C8orf34: variants seen among roughly 807,000 people sequenced by gnomAD.
C8orf34 encodes uncharacterized protein C8orf34.
In C8orf34, 65 loss-of-function variants were observed where a neutral mutation model predicts 68.3. The observed-to-expected ratio is 0.95, with a 90% CI of 0.78 to 1.17. C8orf34 has a LOEUF of 1.17. Among genes scored for constraint, C8orf34 ranks in the 50% most tolerant of loss-of-function variants. The pLI, the probability that C8orf34 is intolerant of heterozygous loss-of-function variation, is 0.00. For synonymous variants in C8orf34, 244 were observed against 241.2 expected (o/e 1.01, Z -0.11); for missense variants, 664 against 655.4 (o/e 1.01, Z -0.14).
chr8:68,478,602 G>C (rs985707152), intron 4 of C8orf34, among the ~76,000 whole-genome samples: 6 of 152,142 alleles, frequency 3.9e-5, no homozygotes, highest in African/African-American at 1.4e-4. Flanking sequence ...CCTGAGACTG[G>C]GTAATTTATA....
At position 68,526,145 on chromosome 8, in the gene C8orf34, G is replaced by C. The variant is rs994710762; in HGVS notation, c.938+4174G>C. Reference sequence around the variant, plus strand: ...GCTAATTTCTTTTAAATTTTTTGTAGAGATGGGGTTTCACTATGTTGCCCA... The same window carrying C: ...GCTAATTTCTTTTAAATTTTTTGTACAGATGGGGTTTCACTATGTTGCCCA... On this transcript the variant is annotated intron_variant, in intron 6 of 13. Transcript: ENST00000518698. Among the ~76,000 whole-genome samples the C allele has an allele frequency of 7.9e-5, 12 of 151,812 alleles. No individual in the cohort carries two copies. In the East Asian group the frequency reaches 1.8e-3, roughly 22 times the overall value.
At chr8:68,508,387 C>T (rs1814115394) in intron 5 of C8orf34, among the ~76,000 whole-genome samples, 1 of 152,146 alleles carries the variant, frequency 6.6e-6, no homozygotes, top group Non-Finnish European at 1.5e-5. Flanking sequence ...TTTTTATAGC[C>T]TCCCTTGCAA....
At chr8:68,416,286 T>G (rs1809661833) in intron 1 of C8orf34, among the ~76,000 whole-genome samples, 1 of 152,190 alleles carries the variant, frequency 6.6e-6, no homozygotes, top group South Asian at 2.1e-4. Flanking sequence ...GATTTATTTC[T>G]CTCCATAGGA....
chr8:68,630,325 G>A (rs921552291), intron 7 of C8orf34, among the ~76,000 whole-genome samples: 4 of 151,910 alleles, frequency 2.6e-5, no homozygotes, highest in Non-Finnish European at 5.9e-5. Context: ...CAACAGAAAA[G>A]TTACAAATTA....
At chr8:68,392,527 AAT>A (rs1491018928) in intron 1 of C8orf34, among the ~76,000 whole-genome samples, 4 of 151,352 alleles carry the variant, frequency 2.6e-5, no homozygotes, top group African/African-American at 9.8e-5. Context: ...ATATAAAAAA[AAT>A]GTTCTGCCTA....
intron 10 of C8orf34, among the ~76,000 whole-genome samples, chr8:68,741,439 C>T (rs1822290362): frequency 6.6e-6 from 1 of 152,066 alleles, no homozygotes; most frequent in Non-Finnish European, 1.5e-5. Context: ...TATTCATAAC[C>T]TCAAGCACTT....
At chr8:68,428,606 A>C (rs1810327595) in intron 1 of C8orf34, among the ~76,000 whole-genome samples, 1 of 152,090 alleles carries the variant, frequency 6.6e-6, no homozygotes. Context: ...TCAGTCAAAA[A>C]AGATAAGAGA....
chr8:68,456,349 C>T (rs1030113340), intron 3 of C8orf34, among the ~76,000 whole-genome samples: 1 of 152,022 alleles, frequency 6.6e-6, no homozygotes, highest in Non-Finnish European at 1.5e-5. Flanking sequence ...ACTTCTTAGC[C>T]CATTCAAAAG....
intron 10 of C8orf34, among the ~76,000 whole-genome samples, chr8:68,732,639 C>A (rs1270285725): frequency 6.6e-6 from 1 of 152,048 alleles, no homozygotes; most frequent in Non-Finnish European, 1.5e-5. Context: ...TTCTTCCATT[C>A]ATTTTATACA....
intron 5 of C8orf34, among the ~76,000 whole-genome samples, chr8:68,491,427 A>G (rs1227136703): frequency 6.6e-6 from 1 of 152,212 alleles, no homozygotes; most frequent in African/African-American, 2.4e-5. Context: ...AAACAAAGTC[A>G]AGGTGTAATC....
intron 8 of C8orf34, among the ~76,000 whole-genome samples, chr8:68,707,330 A>G (rs1276740898): frequency 6.6e-6 from 1 of 152,106 alleles, no homozygotes. Context: ...AGGCCACCCA[A>G]TTTGTTGCGT....
At chr8:68,725,889 TC>T (rs1425844561) in intron 10 of C8orf34, among the ~76,000 whole-genome samples, 2 of 152,016 alleles carry the variant, frequency 1.3e-5, no homozygotes, top group Non-Finnish European at 2.9e-5. Flanking sequence ...GTAGCCAATA[TC>T]TTTTTTTATT....
chr8:68,613,321 T>G (rs1818080259), intron 7 of C8orf34, among the ~76,000 whole-genome samples: 2 of 151,784 alleles, frequency 1.3e-5, no homozygotes, highest in African/African-American at 4.9e-5. Flanking sequence ...ACTTTAAGTT[T>G]TAGGGTACAT....
At chr8:68,651,189 CT>C (rs1466166665) in intron 8 of C8orf34, among the ~76,000 whole-genome samples, 4 of 152,168 alleles carry the variant, frequency 2.6e-5, no homozygotes, top group African/African-American at 9.7e-5. Flanking sequence ...ATCCATCCAT[CT>C]ATTCCATAAA....
chr8:68,773,995 C>A (rs1188741059), intron 10 of C8orf34, among the ~76,000 whole-genome samples: 1 of 152,172 alleles, frequency 6.6e-6, no homozygotes, highest in Non-Finnish European at 1.5e-5. Context: ...AAACACATCG[C>A]CCTCTTCAGT....
Position 68,517,025 on chromosome 8 carries a change from A to G in C8orf34, c.766-4774A>G, listed in dbSNP as rs763105302. 5.3e-5 allele frequency among the ~76,000 whole-genome samples: 8 copies of G among 152,314 alleles called. No individual in the cohort carries two copies. The South Asian group carries it at 8.3e-4, about 16-fold the overall frequency. Reference sequence around the variant, plus strand: ...TACTTGAAAGGGCAAAGGAACATGCATTTTTACATTACTAAAGAATAATTA... The same window carrying G: ...TACTTGAAAGGGCAAAGGAACATGCGTTTTTACATTACTAAAGAATAATTA... On this transcript the variant is annotated intron_variant, in intron 5 of 13. Transcript: ENST00000518698.
chr8:68,400,018 T>C (rs1483053642), intron 1 of C8orf34, among the ~76,000 whole-genome samples: 1 of 152,144 alleles, frequency 6.6e-6, no homozygotes, highest in Non-Finnish European at 1.5e-5. Flanking sequence ...TTGGGGTTTT[T>C]GTTGTTGCGG....
At chr8:68,681,313 T>C (rs779135718) in intron 8 of C8orf34, among the ~76,000 whole-genome samples, 1 of 152,140 alleles carries the variant, frequency 6.6e-6, no homozygotes, top group African/African-American at 2.4e-5. Flanking sequence ...TATAAAAGTA[T>C]TATTTGGGAA....
chr8:68,780,105 T>G (rs1823632628), intron 11 of C8orf34, among the ~76,000 whole-genome samples: 1 of 152,128 alleles, frequency 6.6e-6, no homozygotes, highest in Non-Finnish European at 1.5e-5. Context: ...ATTGGCAAAT[T>G]TAATCACTAT....
Sources: allele counts gnomAD v4.1 joint callset (sites outside exome capture counted in the v4.1 genomes callset), GRCh38; gene constraint gnomAD v4.1.1; transcripts MANE v1.5; gene names NCBI Gene and HGNC (gene_info 2026-07-23, HGNC 2026-07-21).